MAGI2: variants seen among roughly 807,000 people sequenced by gnomAD.
MAGI2 encodes the protein membrane associated guanylate kinase, WW and PDZ domain containing 2, also known as membrane-associated guanylate kinase, WW and PDZ domain-containing protein 2.
A neutral mutation model predicts 133.3 loss-of-function variants in MAGI2; 35 were observed. That is an observed-to-expected ratio of 0.26 (90% confidence interval 0.20 to 0.35). The LOEUF (loss-of-function observed/expected upper bound fraction) is 0.35, where lower values mean the gene tolerates loss of function less well. Among genes scored for constraint, MAGI2 ranks in the 10% least tolerant of loss-of-function variants. The pLI is 1.00. For synonymous variants in MAGI2, 729 were observed against 710.6 expected (o/e 1.03, Z -0.41); for missense variants, 1,636 against 1,863.4 (o/e 0.88, Z 2.25).
intron 3 of MAGI2, among the ~76,000 whole-genome samples, chr7:78,589,479 C>T (rs868436312): frequency 2.6e-5 from 4 of 152,184 alleles, no homozygotes; most frequent in African/African-American, 9.6e-5. Context: ...CAAACAACTG[C>T]TATCCTATAT....
At chr7:78,930,770 A>C (rs1323456658) in intron 2 of MAGI2, among the ~76,000 whole-genome samples, 1 of 152,078 alleles carries the variant, frequency 6.6e-6, no homozygotes, top group Admixed American at 6.6e-5. Flanking sequence ...AAATTCTGTT[A>C]ATCATGTTTC....
intron 2 of MAGI2, among the ~76,000 whole-genome samples, chr7:78,897,626 T>C (rs903016817): frequency 2.0e-5 from 3 of 152,230 alleles, no homozygotes; most frequent in African/African-American, 7.2e-5. Flanking sequence ...TACTTTTTGG[T>C]TCCATATAAA....
At chr7:78,133,269 A>G (rs1821756921) in intron 17 of MAGI2, among the ~76,000 whole-genome samples, 1 of 152,220 alleles carries the variant, frequency 6.6e-6, no homozygotes, top group South Asian at 2.1e-4. Flanking sequence ...ACTGCAGAAC[A>G]AGGCTATGAA....
At chr7:78,283,008 T>C (rs1325753517) in intron 9 of MAGI2, among the ~76,000 whole-genome samples, 2 of 151,990 alleles carry the variant, frequency 1.3e-5, no homozygotes, top group African/African-American at 4.8e-5. Context: ...ATGACCTGGA[T>C]TTCCTTTCAT....
intron 1 of MAGI2, among the ~76,000 whole-genome samples, chr7:79,197,454 C>G (rs1254421968): frequency 6.6e-6 from 1 of 152,012 alleles, no homozygotes; most frequent in Non-Finnish European, 1.5e-5. Context: ...AGAGGAAAAT[C>G]ACAACCAGCG....
At position 78,461,393 on chromosome 7, in the gene MAGI2, CGTGT is replaced by C. The variant is rs10654835; in HGVS notation, c.1045+28364_1045+28367del. ...ATAGATTCCTGGACACGTGTGTGTG[CGTGT>C]GTGTGTGTGTGTGTGTGTGTGTGTG... On this transcript the variant is annotated intron_variant, in intron 6 of 21. Transcript: ENST00000354212. 5.0e-3 allele frequency among the ~76,000 whole-genome samples: 694 copies of C among 138,086 alleles called. 2 individuals are homozygous for C. The highest frequency in any genetic ancestry group is 0.013 in the East Asian group (60 of 4,564). The allele number at this position is 138,086 out of a possible 152,430, so 90.6% of individuals were successfully genotyped here.
At chr7:78,401,433 C>A (rs1796850680) in intron 6 of MAGI2, among the ~76,000 whole-genome samples, 1 of 147,748 alleles carries the variant, frequency 6.8e-6, no homozygotes, top group African/African-American at 2.5e-5. Context: ...CATGTGAATT[C>A]TTCTCTCCCT....
chr7:79,349,639 G>A (rs574528106), intron 1 of MAGI2, among the ~76,000 whole-genome samples: 11 of 151,920 alleles, frequency 7.2e-5, no homozygotes, highest in Non-Finnish European at 1.6e-4. Context: ...GCTAGAAGGC[G>A]AACCCAGAAG....
intron 1 of MAGI2, among the ~76,000 whole-genome samples, chr7:79,031,315 C>T (rs1810551446): frequency 6.7e-6 from 1 of 148,232 alleles, no homozygotes; most frequent in Non-Finnish European, 1.5e-5. Context: ...CCCTACAATG[C>T]AAATTTTGTA....
rs1187180978 is a variant in MAGI2 at position 78,106,828 on chromosome 7, T to C, written c.3567+18866A>G. 3.9e-5 allele frequency among the ~76,000 whole-genome samples: 6 copies of C among 152,294 alleles called. 1 individual carries two copies. The Middle Eastern group carries it at 0.014, about 345-fold the overall frequency. On this transcript the variant is annotated intron_variant, in intron 20 of 21. Transcript: ENST00000354212. ...GTGGGTTGTCTCTTCACTCTCTTGA[T>C]AGTTTTCTTTTTGTGCAGAAACTTT...
At chr7:79,138,557 T>G (rs17152007) in intron 1 of MAGI2, among the ~76,000 whole-genome samples, 6,252 of 152,268 alleles carry the variant, frequency 0.041, 427 homozygotes, top group African/African-American at 0.14. Context: ...GGCTTTCTAT[T>G]TCAGACTGAA....
chr7:78,790,458 G>A (rs1033190246), intron 2 of MAGI2, among the ~76,000 whole-genome samples: 1 of 152,096 alleles, frequency 6.6e-6, no homozygotes, highest in Non-Finnish European at 1.5e-5. Flanking sequence ...TTTGGAGACA[G>A]AGTCTCCCTT....
At chr7:78,893,823 A>G (rs1053146426) in intron 2 of MAGI2, among the ~76,000 whole-genome samples, 1 of 152,184 alleles carries the variant, frequency 6.6e-6, no homozygotes, top group Non-Finnish European at 1.5e-5. Flanking sequence ...GCATATATAC[A>G]TATGTAACAA....
chr7:78,644,397 C>T (rs75656585), intron 2 of MAGI2, among the ~76,000 whole-genome samples: 7,176 of 151,994 alleles, frequency 0.047, 254 homozygotes, highest in East Asian at 0.15. Context: ...TAAAGATAGA[C>T]CATATTCTTG....
intron 6 of MAGI2, among the ~76,000 whole-genome samples, chr7:78,378,764 G>A (rs1585057533): frequency 2.0e-5 from 3 of 152,044 alleles, no homozygotes; most frequent in Admixed American, 6.6e-5. Flanking sequence ...TTTGAGGACA[G>A]GACTAATGGT....
intron 7 of MAGI2, among the ~76,000 whole-genome samples, chr7:78,359,857 A>G (rs6945472): frequency 0.021 from 3,136 of 152,330 alleles, 111 homozygotes; most frequent in African/African-American, 0.072. Context: ...AGATCTTAGC[A>G]ATCACCTAAT....
At chr7:79,429,141 C>T (rs1847599562) in intron 1 of MAGI2, among the ~76,000 whole-genome samples, 1 of 152,042 alleles carries the variant, frequency 6.6e-6, no homozygotes, top group Non-Finnish European at 1.5e-5. Flanking sequence ...TACTTCTCCA[C>T]CTTTTATTAA....
intron 1 of MAGI2, among the ~76,000 whole-genome samples, chr7:79,158,291 T>C (rs2129547495): frequency 6.6e-6 from 1 of 152,200 alleles, no homozygotes; most frequent in East Asian, 1.9e-4. Flanking sequence ...ACACAACGTT[T>C]CACTACTAAA....
intron 7 of MAGI2, among the ~76,000 whole-genome samples, chr7:78,365,701 A>G (rs982540458): frequency 2.6e-5 from 4 of 152,204 alleles, no homozygotes; most frequent in African/African-American, 9.7e-5. Flanking sequence ...TATTAAACCT[A>G]CAATCTTAAA....
Sources: gnomAD v4.1 joint callset for allele counts (sites outside exome capture counted in the v4.1 genomes callset) on GRCh38, gnomAD v4.1.1 for gene constraint, MANE v1.5 for transcripts, NCBI Gene and HGNC (gene_info 2026-07-23, HGNC 2026-07-21) for gene names.